SMCO4: variants seen among roughly 807,000 people sequenced by gnomAD.
SMCO4 encodes single-pass membrane protein with coiled-coil domains 4, also known as single-pass membrane and coiled-coil domain-containing protein 4.
Under a neutral mutation model 3.6 loss-of-function variants are expected in SMCO4, and 4 were observed. That is an observed-to-expected ratio of 1.11 (90% CI 0.54 to 2.53). The LOEUF (loss-of-function observed/expected upper bound fraction) is 2.53. Ranked by LOEUF, SMCO4 falls within the 30% of genes most tolerant of loss-of-function variation. The pLI, the probability that SMCO4 is intolerant of heterozygous loss-of-function variation, is 0.02. For missense variants in SMCO4, 70 were observed against 80.8 expected (o/e 0.87, Z 0.51); for synonymous variants, 36 against 35.3 (o/e 1.02, Z -0.07).
chr11:93,533,758 T>C (rs1949185851), intron 1 of SMCO4, among the ~76,000 whole-genome samples: 1 of 152,130 alleles, frequency 6.6e-6, no homozygotes, highest in African/African-American at 2.4e-5. Flanking sequence ...CCTCCCACCT[T>C]CATCCCTTTT....
Position 93,478,984 on chromosome 11 carries a change from A to G in SMCO4, c.*26T>C. 3 of 1,579,352 alleles carry G rather than the reference A, an allele frequency of 1.9e-6. No homozygotes were observed. Among genetic ancestry groups the G allele is most frequent in the Non-Finnish European group, 2.6e-6 (3 of 1,159,808 alleles). ...CCTCCCGCGCCTCCTCTCCCTGCCG[A>G]TGGGGTCCGCAGCCGGCTGCGGGGC... On this transcript the variant is annotated 3_prime_UTR_variant, in exon 3 of 3. Coordinates refer to ENST00000298966, the MANE Select transcript of SMCO4 (RefSeq NM_020179.3).
chr11:93,534,135 G>A (rs1432777824), intron 1 of SMCO4, among the ~76,000 whole-genome samples: 2 of 149,950 alleles, frequency 1.3e-5, no homozygotes, highest in Non-Finnish European at 3.0e-5. Flanking sequence ...AGGTTGAAAT[G>A]AGCTAAGATC....
intron 2 of SMCO4, among the ~76,000 whole-genome samples, chr11:93,496,118 T>C (rs1434831521): frequency 1.3e-5 from 2 of 152,144 alleles, no homozygotes; most frequent in African/African-American, 4.8e-5. Flanking sequence ...TTACATGATT[T>C]GACAAGAATT....
At chr11:93,500,982 C>T (rs78125712) in intron 1 of SMCO4, among the ~76,000 whole-genome samples, 2,229 of 152,292 alleles carry the variant, frequency 0.015, 59 homozygotes, top group African/African-American at 0.051. Context: ...GACAGGGACA[C>T]CAGCTGGCCT....
intron 2 of SMCO4, among the ~76,000 whole-genome samples, chr11:93,489,023 G>C (rs1051802089): frequency 3.3e-5 from 5 of 152,148 alleles, no homozygotes; most frequent in Admixed American, 6.5e-5. Flanking sequence ...AGTGAAGAGG[G>C]GTCAGGGGCA....
chr11:93,529,185 G>A (rs1020112501), intron 1 of SMCO4, among the ~76,000 whole-genome samples: 1 of 152,204 alleles, frequency 6.6e-6, no homozygotes, highest in East Asian at 1.9e-4. Flanking sequence ...GTTCCTCTAA[G>A]GAAGCTCTTT....
intron 1 of SMCO4, among the ~76,000 whole-genome samples, chr11:93,533,304 C>T (rs905146877): frequency 6.6e-6 from 1 of 152,170 alleles, no homozygotes; most frequent in Non-Finnish European, 1.5e-5. Context: ...GTGGCTGGCA[C>T]TGTAGGAATA....
At chr11:93,519,033 T>C (rs1243185928) in intron 1 of SMCO4, among the ~76,000 whole-genome samples, 1 of 152,230 alleles carries the variant, frequency 6.6e-6, no homozygotes, top group Non-Finnish European at 1.5e-5. Context: ...TAAAAGACTA[T>C]TTCTAATTAG....
chr11:93,522,176 T>C (rs1339075302), intron 1 of SMCO4, among the ~76,000 whole-genome samples: 2 of 152,226 alleles, frequency 1.3e-5, no homozygotes, highest in East Asian at 3.9e-4. Flanking sequence ...ATTGGATTTG[T>C]ATCGCTGAAT....
intron 2 of SMCO4, among the ~76,000 whole-genome samples, chr11:93,479,766 C>G (rs1321044265): frequency 6.6e-6 from 1 of 152,170 alleles, no homozygotes; most frequent in African/African-American, 2.4e-5. Flanking sequence ...CCACAGGCAT[C>G]AACTTCTCTC....
At chr11:93,480,463 G>A (rs1054391835) in intron 2 of SMCO4, among the ~76,000 whole-genome samples, 5 of 152,170 alleles carry the variant, frequency 3.3e-5, no homozygotes, top group South Asian at 2.1e-4. Context: ...GCCAAGCCCC[G>A]GCCCATATGC....
upstream of SMCO4, among the ~76,000 whole-genome samples, chr11:93,544,008 A>G (rs1949295783): frequency 6.6e-6 from 1 of 152,240 alleles, no homozygotes; most frequent in Non-Finnish European, 1.5e-5. Context: ...ACCAGCGCCA[A>G]ATCCGCAAGA....
chr11:93,549,552 G>A, the SMCO4 span, among the ~76,000 whole-genome samples: 9 of 151,880 alleles, frequency 5.9e-5, no homozygotes, highest in Non-Finnish European at 1.0e-4. Flanking sequence ...GGGCTCAAAC[G>A]ATCCTCCTGC....
chr11:93,506,319 A>G (rs1948901686), intron 1 of SMCO4, among the ~76,000 whole-genome samples: 1 of 152,228 alleles, frequency 6.6e-6, no homozygotes, highest in Admixed American at 6.5e-5. Context: ...AACTGTGTTG[A>G]CACTTACATT....
chr11:93,492,798 G>A (rs1455484477), intron 2 of SMCO4, among the ~76,000 whole-genome samples: 2 of 152,196 alleles, frequency 1.3e-5, no homozygotes, highest in Non-Finnish European at 2.9e-5. Flanking sequence ...GAGCTGAGAC[G>A]GCCGGTCCAA....
intron 1 of SMCO4, among the ~76,000 whole-genome samples, chr11:93,522,529 A>G (rs1949067376): frequency 2.0e-5 from 3 of 152,356 alleles, no homozygotes; most frequent in South Asian, 4.1e-4. Context: ...AAATCCTTCA[A>G]ATCTTTTATG....
At chr11:93,548,662 T>A in the SMCO4 span, among the ~76,000 whole-genome samples, 1 of 152,186 alleles carries the variant, frequency 6.6e-6, no homozygotes, top group Non-Finnish European at 1.5e-5. Context: ...GGACTTGAGG[T>A]CTGGTTGTTA....
At chr11:93,479,446 C>T (rs1452491314) in intron 2 of SMCO4, among the ~76,000 whole-genome samples, 177 bp from the exon 3 acceptor site, 4 of 152,238 alleles carry the variant, frequency 2.6e-5, no homozygotes, top group Non-Finnish European at 5.9e-5. Flanking sequence ...GTAGTGGGCA[C>T]TGGGTCACCG....
At chr11:93,525,865 C>A (rs1949101379) in intron 1 of SMCO4, among the ~76,000 whole-genome samples, 1 of 152,222 alleles carries the variant, frequency 6.6e-6, no homozygotes, top group South Asian at 2.1e-4. Flanking sequence ...ACGTGCACTG[C>A]AACAGTGATG....
Sources: gnomAD v4.1 joint callset for allele counts (sites outside exome capture counted in the v4.1 genomes callset) on GRCh38, gnomAD v4.1.1 for gene constraint, MANE v1.5 for transcripts, NCBI Gene and HGNC (gene_info 2026-07-23, HGNC 2026-07-21) for gene names.